Variants in STAG1 observed in about 807,000 individuals in gnomAD.
STAG1 encodes the protein cohesin subunit SA-1.
A neutral mutation model predicts 170.9 loss-of-function variants in STAG1; 26 were observed. The observed-to-expected ratio is 0.15, with a 90% CI of 0.11 to 0.21. The LOEUF (loss-of-function observed/expected upper bound fraction) is 0.21, where lower values mean the gene tolerates loss of function less well. STAG1 is among the 10% of genes least tolerant of loss of function. The probability of loss-of-function intolerance (pLI) is 1.00; values close to 1 mark genes in which losing one functional copy is unlikely to be tolerated. For missense variants in STAG1, 964 were observed against 1,509.5 expected (o/e 0.64, Z 5.99); for synonymous variants, 514 against 497.7 (o/e 1.03, Z -0.44).
chr3:136,659,709 T>C (rs1053438562), intron 1 of STAG1, among the ~76,000 whole-genome samples: 15 of 152,316 alleles, frequency 9.8e-5, no homozygotes, highest in African/African-American at 3.4e-4. Flanking sequence ...AATGACAGAA[T>C]AGTTGAATAC....
chr3:136,377,841 TG>T, intron 22 of STAG1, 89 bp from the exon 23 acceptor site: 3 of 1,059,520 alleles, frequency 2.8e-6, no homozygotes, highest in Non-Finnish European at 4.3e-6. Flanking sequence ...ATAGCAAAAC[TG>T]GTTTATTCTC....
chr3:136,625,213 A>T (rs752123380), intron 2 of STAG1, among the ~76,000 whole-genome samples: 3 of 152,146 alleles, frequency 2.0e-5, no homozygotes, highest in Non-Finnish European at 4.4e-5. Context: ...ACAATCTACT[A>T]TTTCTCAATC....
intron 15 of STAG1, among the ~76,000 whole-genome samples, chr3:136,441,971 G>A (rs973775303): frequency 2.6e-5 from 4 of 152,200 alleles, no homozygotes; most frequent in African/African-American, 9.6e-5. Flanking sequence ...GCCGAGGCGG[G>A]AGGATCACCT....
At chr3:136,732,538 A>G (rs1309088059) in intron 1 of STAG1, among the ~76,000 whole-genome samples, 1 of 152,222 alleles carries the variant, frequency 6.6e-6, no homozygotes, top group African/African-American at 2.4e-5. Context: ...GTTTACTAAA[A>G]AGCAGAACAC....
chr3:136,568,689 T>C, intron 5 of STAG1, 76 bp downstream of exon 5: 1 of 925,044 alleles, frequency 1.1e-6, no homozygotes, highest in African/African-American at 1.6e-5. Context: ...TATATACGAC[T>C]AGTGGCAGGT....
Position 136,422,432 on chromosome 3 carries a change from G to C in STAG1, c.2015C>G (p.Ser672Cys). The C allele has an allele frequency of 1.2e-6, 2 of 1,613,950 alleles. No homozygotes were observed. The highest frequency in any genetic ancestry group is 1.7e-4 in the Middle Eastern group (1 of 6,060). ...IDEFVDRFNH[S>C]VEDLLQEGEE... ...GACCTCTTGCAATAGGTCTTCCACA[G>C]AATGATTGAATCGATCTACAAACTC... The change falls in exon 19 of 34, where the codon TCT (serine) becomes TGT (cysteine). Residue 672 changes from serine (S) to cysteine (C), a missense_variant. Ser to Cys is a moderately radical substitution (Grantham distance 112). Coordinates refer to ENST00000383202, the MANE Select transcript of STAG1 (RefSeq NM_005862.3).
chr3:136,529,879 G>T (rs1038770714), intron 6 of STAG1, among the ~76,000 whole-genome samples: 12 of 152,086 alleles, frequency 7.9e-5, no homozygotes, highest in Non-Finnish European at 1.5e-4. Context: ...GGAACAAAGG[G>T]TCACATAGTA....
intron 4 of STAG1, among the ~76,000 whole-genome samples, chr3:136,592,160 C>T (rs369818473): frequency 1.1e-4 from 16 of 152,130 alleles, no homozygotes; most frequent in African/African-American, 3.6e-4. Flanking sequence ...TTATGTCTTC[C>T]CTACTACAGA....
At position 136,447,625 on chromosome 3, in the gene STAG1, G is replaced by C. The variant is rs1406480917; in HGVS notation, c.1429-4221C>G. On this transcript the variant is annotated intron_variant, in intron 14 of 33. Coordinates refer to ENST00000383202, the MANE Select transcript of STAG1 (RefSeq NM_005862.3). ...TTTTTTTTTTTTTTTTTTTTTTTTT[G>C]AGACAGAGTCTTAAACTGTCGCCCA... Among the ~76,000 whole-genome samples the C allele has an allele frequency of 1.3e-4, 4 of 31,492 alleles. 1 individual carries two copies. The highest frequency in any genetic ancestry group is 8.1e-4 in the African/African-American group (4 of 4,958). 20.7% of individuals were successfully genotyped at this position (31,492 alleles called of 152,430 possible).
intron 8 of STAG1, among the ~76,000 whole-genome samples, chr3:136,502,142 C>A (rs1034733573): frequency 2.0e-5 from 3 of 151,798 alleles, no homozygotes; most frequent in African/African-American, 7.3e-5. Flanking sequence ...CGCACCATTG[C>A]ACTCGAGCCT....
chr3:136,349,883 G>A (rs183578650), intron 28 of STAG1, among the ~76,000 whole-genome samples: 4 of 152,288 alleles, frequency 2.6e-5, no homozygotes, highest in Admixed American at 1.3e-4. Flanking sequence ...GCCAGGCACC[G>A]TGGCTCACGC....
chr3:136,537,740 C>T (rs949892515), intron 6 of STAG1, among the ~76,000 whole-genome samples: 1 of 152,078 alleles, frequency 6.6e-6, no homozygotes, highest in African/African-American at 2.4e-5. Flanking sequence ...AAATGATCCA[C>T]CCACTTCAGA....
At chr3:136,451,222 A>G (rs2088931949) in intron 14 of STAG1, among the ~76,000 whole-genome samples, 1 of 152,060 alleles carries the variant, frequency 6.6e-6, no homozygotes, top group South Asian at 2.1e-4. Flanking sequence ...TTTACTTGAG[A>G]AAACAGATCC....
intron 32 of STAG1, among the ~76,000 whole-genome samples, chr3:136,340,264 G>C (rs928106521): frequency 6.6e-6 from 1 of 151,806 alleles, no homozygotes; most frequent in South Asian, 2.1e-4. Context: ...CTGGGATTAC[G>C]GGCACGTGCC....
At chr3:136,397,980 CTT>C (rs1354701115) in intron 22 of STAG1, among the ~76,000 whole-genome samples, 2 of 151,870 alleles carry the variant, frequency 1.3e-5, no homozygotes, top group Non-Finnish European at 2.9e-5. Flanking sequence ...GAGTTTTGCT[CTT>C]GTTGCCCAGG....
At chr3:136,480,962 G>A (rs1291927215) in intron 9 of STAG1, among the ~76,000 whole-genome samples, 1 of 144,656 alleles carries the variant, frequency 6.9e-6, no homozygotes, top group Non-Finnish European at 1.5e-5. Flanking sequence ...TCGCTTATCA[G>A]CTTAAGGAGA....
chr3:136,554,734 GA>G, intron 5 of STAG1, among the ~76,000 whole-genome samples: 1 of 151,844 alleles, frequency 6.6e-6, no homozygotes, highest in Admixed American at 6.6e-5. Flanking sequence ...CTCTAAAAAA[GA>G]AAAAAGAAAA....
chr3:136,722,705 CT>C (rs1933363376), intron 1 of STAG1, among the ~76,000 whole-genome samples: 1 of 148,524 alleles, frequency 6.7e-6, no homozygotes, highest in African/African-American at 2.6e-5. Context: ...CACGGTCTCC[CT>C]CTCCCTCTCT....
At chr3:136,382,813 TGAGTGCTCAAGAAAG>T (rs1211833159) in intron 22 of STAG1, among the ~76,000 whole-genome samples, 2 of 152,246 alleles carry the variant, frequency 1.3e-5, no homozygotes, top group East Asian at 3.8e-4. Flanking sequence ...AAATATTATT[TGAGTGCTCAAGAAAG>T]TTAATTTAAT....
Sources: gnomAD v4.1 joint callset for allele counts (sites outside exome capture counted in the v4.1 genomes callset) on GRCh38, gnomAD v4.1.1 for gene constraint, MANE v1.5 for transcripts, NCBI Gene and HGNC (gene_info 2026-07-23, HGNC 2026-07-21) for gene names.